Variants in ARHGAP24 observed in about 807,000 individuals in gnomAD.
ARHGAP24 encodes the protein rho GTPase-activating protein 24.
Under a neutral mutation model 76.4 loss-of-function variants are expected in ARHGAP24, and 50 were observed. The ratio of observed to expected loss-of-function variants is 0.65; its 90% CI spans 0.52 to 0.83. The LOEUF is 0.83. ARHGAP24 is among the 40% of genes least tolerant of loss of function. The pLI is 0.00. For missense variants in ARHGAP24, 930 were observed against 914.2 expected (o/e 1.02, Z -0.22); for synonymous variants, 345 against 323.3 (o/e 1.07, Z -0.72).
At chr4:85,638,239 A>G (rs1049587267) in intron 2 of ARHGAP24, among the ~76,000 whole-genome samples, 1 of 152,252 alleles carries the variant, frequency 6.6e-6, no homozygotes, top group Non-Finnish European at 1.5e-5. Flanking sequence ...TTTAGATCCA[A>G]ATACCACATT....
chr4:85,898,326 G>A (rs1157227313), intron 3 of ARHGAP24, among the ~76,000 whole-genome samples: 2 of 152,068 alleles, frequency 1.3e-5, no homozygotes, highest in East Asian at 1.9e-4. Context: ...GAATGTGACT[G>A]TTAGTCAACA....
intron 3 of ARHGAP24, among the ~76,000 whole-genome samples, chr4:85,851,333 CAT>C (rs1731218821): frequency 6.6e-6 from 1 of 152,000 alleles, no homozygotes; most frequent in African/African-American, 2.4e-5. Context: ...ATTTTGAGCC[CAT>C]GTGTGTGTCT....
chr4:85,667,036 C>G (rs1390608286), intron 2 of ARHGAP24, among the ~76,000 whole-genome samples: 1 of 152,174 alleles, frequency 6.6e-6, no homozygotes, highest in Non-Finnish European at 1.5e-5. Context: ...AGCTGTCAGA[C>G]AGGGACATTT....
intron 5 of ARHGAP24, among the ~76,000 whole-genome samples, chr4:85,946,057 A>G (rs1211563404): frequency 6.6e-6 from 1 of 152,112 alleles, no homozygotes; most frequent in African/African-American, 2.4e-5. Context: ...CGGCAGGCAA[A>G]AAGAGAGAGC....
At chr4:85,814,380 C>T (rs182129357) in intron 3 of ARHGAP24, among the ~76,000 whole-genome samples, 177 of 152,234 alleles carry the variant, frequency 1.2e-3, no homozygotes, top group African/African-American at 4.0e-3. Flanking sequence ...CACCTATAAG[C>T]CTGTAAAATC....
At chr4:85,644,645 T>C (rs961247674) in intron 2 of ARHGAP24, among the ~76,000 whole-genome samples, 2 of 152,168 alleles carry the variant, frequency 1.3e-5, no homozygotes, top group Non-Finnish European at 2.9e-5. Context: ...AAGGATAAGA[T>C]GGAGCTTCAA....
At chr4:85,504,402 C>T (rs1042923169) in intron 1 of ARHGAP24, among the ~76,000 whole-genome samples, 1 of 152,088 alleles carries the variant, frequency 6.6e-6, no homozygotes, top group Admixed American at 6.5e-5. Flanking sequence ...AGGACGTGCT[C>T]CTCTATTGGG....
intron 1 of ARHGAP24, among the ~76,000 whole-genome samples, chr4:85,484,066 C>G (rs1051157552): frequency 6.6e-6 from 1 of 152,202 alleles, no homozygotes; most frequent in Non-Finnish European, 1.5e-5. Flanking sequence ...AGGATGCTGT[C>G]CAGTGTTTGT....
chr4:85,735,446 T>C (rs1195100298), intron 3 of ARHGAP24, among the ~76,000 whole-genome samples: 1 of 152,176 alleles, frequency 6.6e-6, no homozygotes, highest in Admixed American at 6.5e-5. Flanking sequence ...AGCTGATTTT[T>C]CTTTATCCAT....
intron 1 of ARHGAP24, among the ~76,000 whole-genome samples, chr4:85,545,113 T>A (rs1387670621): frequency 1.3e-5 from 2 of 152,090 alleles, no homozygotes; most frequent in Non-Finnish European, 1.5e-5. Flanking sequence ...TTAAATTTTT[T>A]AATTTGAGAT....
At chr4:85,943,522 C>T (rs1192599903) in intron 5 of ARHGAP24, among the ~76,000 whole-genome samples, 1 of 152,016 alleles carries the variant, frequency 6.6e-6, no homozygotes, top group Non-Finnish European at 1.5e-5. Context: ...AGGTTTGTTA[C>T]ATAGGTATAC....
At chr4:85,733,070 T>TTTTTTTTTTTTG in intron 3 of ARHGAP24, among the ~76,000 whole-genome samples, 2 of 108,150 alleles carry the variant, frequency 1.8e-5, no homozygotes, top group African/African-American at 3.3e-5. Context: ...CTTTTTTTTT[T>TTTTTTTTTTTTG]TTTTTTTTTT....
At chr4:85,500,575 AATTT>A (rs1427885799) in intron 1 of ARHGAP24, among the ~76,000 whole-genome samples, 1 of 152,210 alleles carries the variant, frequency 6.6e-6, no homozygotes, top group East Asian at 1.9e-4. Context: ...CTTTTAAAGT[AATTT>A]ATTTTAGTCA....
At chr4:85,696,317 T>C (rs1283513820) in intron 2 of ARHGAP24, among the ~76,000 whole-genome samples, 1 of 152,174 alleles carries the variant, frequency 6.6e-6, no homozygotes, top group Non-Finnish European at 1.5e-5. Flanking sequence ...TAAAAGTAAA[T>C]ACATATTGAA....
chr4:85,707,769 C>T (rs921194139), intron 2 of ARHGAP24, among the ~76,000 whole-genome samples: 2 of 152,024 alleles, frequency 1.3e-5, no homozygotes, highest in Non-Finnish European at 2.9e-5. Context: ...CTGATGTCTC[C>T]GGCACAAGAA....
intron 2 of ARHGAP24, among the ~76,000 whole-genome samples, chr4:85,701,781 A>G (rs576761717): frequency 6.6e-6 from 1 of 152,286 alleles, no homozygotes; most frequent in Admixed American, 6.5e-5. Flanking sequence ...TGACATCAAG[A>G]TTCATATATA....
chr4:85,674,939 T>G (rs990638450), intron 2 of ARHGAP24, among the ~76,000 whole-genome samples: 8 of 152,192 alleles, frequency 5.3e-5, no homozygotes, highest in African/African-American at 1.4e-4. Context: ...CAATTAGAGT[T>G]GCACAGATCT....
At chr4:85,809,539 A>T (rs1013677776) in intron 3 of ARHGAP24, among the ~76,000 whole-genome samples, 1 of 152,236 alleles carries the variant, frequency 6.6e-6, no homozygotes, top group Non-Finnish European at 1.5e-5. Context: ...ATAAAAGTTT[A>T]TTTAACATTA....
intron 9 of ARHGAP24, among the ~76,000 whole-genome samples, chr4:85,997,369 G>A (rs1222905799): frequency 1.1e-5 from 1 of 95,114 alleles, no homozygotes; most frequent in Non-Finnish European, 1.8e-5. Flanking sequence ...ATAGATGATA[G>A]ATATAGATAG....
Sources: gnomAD v4.1 joint callset for allele counts (sites outside exome capture counted in the v4.1 genomes callset) on GRCh38, gnomAD v4.1.1 for gene constraint, MANE v1.5 for transcripts, NCBI Gene and HGNC (gene_info 2026-07-23, HGNC 2026-07-21) for gene names.